Variants in DNM3 observed in about 807,000 individuals in gnomAD.
DNM3 encodes the protein dynamin-3.
DNM3 carries 47 observed loss-of-function variants against 101.6 expected under a neutral mutation model. That is an observed-to-expected ratio of 0.46 (90% CI 0.37 to 0.59). The LOEUF is 0.59. DNM3 is among the 20% of genes least tolerant of loss of function. The pLI is 0.00. For missense variants in DNM3, 849 were observed against 1,085.7 expected, an observed-to-expected ratio of 0.78 and a Z score of 3.06; for synonymous variants, 385 against 387.9, an observed-to-expected ratio of 0.99 and a Z score of 0.09.
intron 1 of DNM3, among the ~76,000 whole-genome samples, chr1:171,914,283 G>A (rs565086571): frequency 7.2e-5 from 11 of 152,098 alleles, no homozygotes; most frequent in African/African-American, 2.7e-4. Flanking sequence ...TCAGCCTCCC[G>A]AGTAGCTGGG....
chr1:172,122,023 C>A (rs1193904419), intron 13 of DNM3, among the ~76,000 whole-genome samples: 1 of 152,118 alleles, frequency 6.6e-6, no homozygotes, highest in Non-Finnish European at 1.5e-5. Context: ...TGCTTATAAT[C>A]TGTTTCAGTT....
intron 11 of DNM3, among the ~76,000 whole-genome samples, chr1:172,079,323 A>C (rs555365017): frequency 1.3e-5 from 2 of 151,746 alleles, no homozygotes; most frequent in Admixed American, 6.6e-5. Flanking sequence ...TTTCCTTTTC[A>C]TTCTTTTTTC....
intron 4 of DNM3, among the ~76,000 whole-genome samples, chr1:172,010,392 A>C (rs1018143877): frequency 5.1e-4 from 78 of 151,834 alleles, no homozygotes; most frequent in African/African-American, 1.8e-3. Flanking sequence ...TCTGACAACA[A>C]ATTATCTCAG....
chr1:172,234,376 C>A (rs10911351), intron 14 of DNM3, among the ~76,000 whole-genome samples: 8 of 151,758 alleles, frequency 5.3e-5, no homozygotes, highest in Admixed American at 5.3e-4. Flanking sequence ...CACTGCTCAA[C>A]GAAATAAAAG....
chr1:172,295,501 G>T lies in DNM3; in HGVS notation c.1770-13227G>T, dbSNP rs575692642. ...AAGTAAAAGCTTCTAAATTCTTCAA[G>T]AAGTCAGAGATTATTTTTGTATTCC... is the stretch of plus-strand genomic sequence containing the variant. On this transcript the variant is annotated intron_variant, in intron 15 of 20. Transcript: ENST00000627582. 1.2e-3 allele frequency among the ~76,000 whole-genome samples: 185 copies of T among 152,244 alleles called. 2 individuals carry two copies. The highest frequency in any genetic ancestry group is 5.6e-4 in the Non-Finnish European group (38 of 68,020).
In DNM3 at chr1:172,260,810, A is replaced by T. The variant is rs527827291; in HGVS notation, c.1769+7128A>T. Among the ~76,000 whole-genome samples the T allele has an allele frequency of 1.8e-4, 27 of 152,088 alleles. No individual in the cohort carries two copies. The Middle Eastern group carries it at 0.01, about 57-fold the overall frequency. On this transcript the variant is annotated intron_variant, in intron 15 of 20. Coordinates refer to ENST00000627582, the MANE Select transcript of DNM3 (RefSeq NM_015569.5). ...TTTAATGAGTTTTACAGATATGTAC[A>T]GTTGTTCAGCCATTAACACAAGATA...
chr1:171,872,485 A>C (rs1353607728), intron 1 of DNM3, among the ~76,000 whole-genome samples: 1 of 152,180 alleles, frequency 6.6e-6, no homozygotes, highest in Non-Finnish European at 1.5e-5. Context: ...GATATTTTCA[A>C]AATAATGTAC....
chr1:172,354,108 T>A (rs917081663), intron 17 of DNM3, among the ~76,000 whole-genome samples: 103 of 30,806 alleles, frequency 3.3e-3, no homozygotes, highest in African/African-American at 6.4e-3. Context: ...TGTGTGTGTG[T>A]GTGTGAGAGA....
At chr1:172,164,150 AC>A (rs1445538937) in intron 14 of DNM3, among the ~76,000 whole-genome samples, 2 of 151,954 alleles carry the variant, frequency 1.3e-5, no homozygotes, top group East Asian at 3.9e-4. Context: ...GTAGCTTCCT[AC>A]TTAAAGTAAT....
In DNM3 at chr1:171,975,500, G is replaced by A. The variant is rs182649365; in HGVS notation, c.236-12156G>A. On this transcript the variant is annotated intron_variant, in intron 2 of 20. Transcript: ENST00000627582. Reference sequence around the variant, plus strand: ...TAAGTGACTTCTCTATTAGTAAAGCGTTTAGAATAGATATCACTCCAAGTT... The same window carrying A: ...TAAGTGACTTCTCTATTAGTAAAGCATTTAGAATAGATATCACTCCAAGTT... Among the ~76,000 whole-genome samples, 479 of 152,242 alleles carry A rather than the reference G, an allele frequency of 3.1e-3. 1 individual carries two copies. The highest frequency in any genetic ancestry group is 4.2e-3 in the Non-Finnish European group (286 of 68,022).
chr1:172,066,930 A>T (rs764604424), intron 10 of DNM3, among the ~76,000 whole-genome samples: 65 of 145,030 alleles, frequency 4.5e-4, no homozygotes, highest in Non-Finnish European at 7.2e-4. Context: ...TTAGGTTGAG[A>T]TCTCTCTCTC....
rs1231860105 is a variant in DNM3, at chr1:172,033,203, C to A, written c.787C>A (p.Pro263Thr). The A allele has an allele frequency of 1.2e-6, 2 of 1,608,878 alleles. No individual in the cohort carries two copies. The highest frequency in any genetic ancestry group is 4.5e-5 in the East Asian group (2 of 44,704). ...AGAGAGGAAGTTTTTCCTTTCCCAC[C>A]CGGCTTACAGACATATCGCTGACCG... ...LAERKFFLSH[P>T]AYRHIADRMG... is the part of the protein sequence containing the mutation. The change falls in exon 6 of 21, where the codon CCG (proline) becomes ACG (threonine). Residue 263 changes from proline to threonine, a missense_variant. Around this residue, in one of 5 missense-constraint regions of DNM3, gnomAD observed 388 missense variants for 483.0 expected, o/e 0.80. Coordinates refer to ENST00000627582, the MANE Select transcript of DNM3 (RefSeq NM_015569.5).
At chr1:171,901,833 G>A (rs568014797) in intron 1 of DNM3, among the ~76,000 whole-genome samples, 6 of 152,288 alleles carry the variant, frequency 3.9e-5, no homozygotes, top group African/African-American at 1.4e-4. Flanking sequence ...GGCAATTAAA[G>A]TGCTAGCTGG....
At chr1:172,207,382 T>C (rs1026455744) in intron 14 of DNM3, among the ~76,000 whole-genome samples, 11 of 152,120 alleles carry the variant, frequency 7.2e-5, no homozygotes, top group Non-Finnish European at 1.5e-4. Context: ...CCACCCTAAC[T>C]GAAGATGCCC....
At chr1:172,193,146 C>G (rs1001472578) in intron 14 of DNM3, among the ~76,000 whole-genome samples, 1 of 151,880 alleles carries the variant, frequency 6.6e-6, no homozygotes, top group South Asian at 2.1e-4. Flanking sequence ...AGCATTTTTT[C>G]GTGTGTTTTT....
At chr1:171,987,835 TCTC>T in intron 3 of DNM3, 30 bp downstream of exon 3, 1 of 1,520,332 alleles carries the variant, frequency 6.6e-7, no homozygotes, top group Non-Finnish European at 8.8e-7. Flanking sequence ...TCCAAATTCT[TCTC>T]CTCAAACATT....
At chr1:172,380,715 CAAAT>C (rs1177642076) in intron 18 of DNM3, 3 of 151,904 alleles carry the variant, frequency 2.0e-5, no homozygotes, top group Non-Finnish European at 4.4e-5. Context: ...AAGTACTAAA[CAAAT>C]AGTCTGTGTA....
rs2071078159 is a variant in DNM3, at chr1:172,409,198, G to C, written c.*1357G>C. On this transcript the variant is annotated 3_prime_UTR_variant, in exon 21 of 21. Coordinates refer to ENST00000627582, the MANE Select transcript of DNM3 (RefSeq NM_015569.5). ...GTGCTAACTGTTCCCAGACAGCAGA[G>C]CAAGTATTCACTGAGTAGGGGTGTC... is the stretch of plus-strand genomic sequence containing the variant. The C allele has an allele frequency of 1.0e-6, 1 of 985,248 alleles. No homozygotes were observed. Among genetic ancestry groups the C allele is most frequent in the African/African-American group, 1.7e-5 (1 of 57,222 alleles). 61.0% of individuals were successfully genotyped at this position (985,248 alleles called of 1,614,324 possible).
intron 13 of DNM3, among the ~76,000 whole-genome samples, chr1:172,113,439 G>A (rs1014197733): frequency 2.0e-5 from 3 of 151,938 alleles, no homozygotes; most frequent in African/African-American, 4.8e-5. Flanking sequence ...CCGACATGGT[G>A]AAACCCCATC....
Sources: gnomAD v4.1 joint callset for allele counts (sites outside exome capture counted in the v4.1 genomes callset) on GRCh38, gnomAD v4.1.1 for gene constraint, gnomAD v4.1.1 regional missense constraint, MANE v1.5 for transcripts, NCBI Gene and HGNC (gene_info 2026-07-23, HGNC 2026-07-21) for gene names.